The following KCNIP1 variants were observed in gnomAD, a reference collection of about 807,000 sequenced individuals.
KCNIP1 encodes A-type potassium channel modulatory protein KCNIP1.
Under a neutral mutation model 33.0 loss-of-function variants are expected in KCNIP1, and 18 were observed. The ratio of observed to expected loss-of-function variants is 0.55; its 90% CI spans 0.38 to 0.81. The LOEUF (loss-of-function observed/expected upper bound fraction) is 0.81. Among genes scored for constraint, KCNIP1 ranks in the 30% least tolerant of loss-of-function variants. The pLI is 0.00. For synonymous variants in KCNIP1, 93 were observed against 98.3 expected (o/e 0.95, Z 0.32); for missense variants, 238 against 271.6 (o/e 0.88, Z 0.87).
intron 1 of KCNIP1, among the ~76,000 whole-genome samples, chr5:170,591,694 C>G (rs987949851): frequency 3.9e-5 from 6 of 152,224 alleles, no homozygotes; most frequent in South Asian, 2.1e-4. Flanking sequence ...TAATTGGAAT[C>G]AACAGTATTT....
At chr5:170,721,522 G>A (rs193276673) in intron 3 of KCNIP1, among the ~76,000 whole-genome samples, 80 of 152,120 alleles carry the variant, frequency 5.3e-4, no homozygotes, top group African/African-American at 1.8e-3. Flanking sequence ...ATTCATGGCC[G>A]TTCAGAAGAA....
At chr5:170,387,935 G>A (rs1239514884) in intron 1 of KCNIP1, among the ~76,000 whole-genome samples, 1 of 152,202 alleles carries the variant, frequency 6.6e-6, no homozygotes, top group Non-Finnish European at 1.5e-5. Flanking sequence ...CTAGGGCTGA[G>A]TGCCCACAAC....
chr5:170,381,159 G>A (rs1764223368), intron 1 of KCNIP1, among the ~76,000 whole-genome samples: 1 of 152,070 alleles, frequency 6.6e-6, no homozygotes. Context: ...TTTATGCTGG[G>A]CCTGTTTGGC....
chr5:170,545,145 C>T (rs1436824898), intron 1 of KCNIP1, among the ~76,000 whole-genome samples: 1 of 152,144 alleles, frequency 6.6e-6, no homozygotes, highest in Non-Finnish European at 1.5e-5. Flanking sequence ...GGATTTTTTG[C>T]TGTGTATATA....
chr5:170,574,791 A>G (rs1470078417), intron 1 of KCNIP1, among the ~76,000 whole-genome samples: 1 of 152,134 alleles, frequency 6.6e-6, no homozygotes, highest in Admixed American at 6.5e-5. Flanking sequence ...ACATACTCAC[A>G]CTGGGACCAC....
intron 1 of KCNIP1, among the ~76,000 whole-genome samples, chr5:170,596,060 A>C (rs1214544078): frequency 6.6e-6 from 1 of 152,246 alleles, no homozygotes; most frequent in Non-Finnish European, 1.5e-5. Context: ...GCAGGGACTC[A>C]AAAAGTTGTT....
chr5:170,690,067 T>C (rs1373796669), intron 1 of KCNIP1, among the ~76,000 whole-genome samples: 1 of 152,222 alleles, frequency 6.6e-6, no homozygotes, highest in African/African-American at 2.4e-5. Context: ...ATGTCTGCTC[T>C]ACTCACACAC....
At chr5:170,727,430 A>C (rs1764048939) in intron 5 of KCNIP1, among the ~76,000 whole-genome samples, 1 of 152,210 alleles carries the variant, frequency 6.6e-6, no homozygotes, top group Non-Finnish European at 1.5e-5. Context: ...CAGTACACTT[A>C]AAATGGGTGA....
intron 2 of KCNIP1, among the ~76,000 whole-genome samples, chr5:170,719,971 C>A (rs1763762760): frequency 1.3e-5 from 2 of 152,142 alleles, no homozygotes; most frequent in Admixed American, 1.3e-4. Flanking sequence ...TCATAAGATA[C>A]CCTTGGGGAA....
intron 1 of KCNIP1, among the ~76,000 whole-genome samples, chr5:170,588,849 C>T (rs1238066163): frequency 6.6e-6 from 1 of 152,112 alleles, no homozygotes; most frequent in Non-Finnish European, 1.5e-5. Flanking sequence ...GACTGAGGCT[C>T]TTTACCCTCC....
chr5:170,488,553 C>T (rs1214105414), intron 1 of KCNIP1, among the ~76,000 whole-genome samples: 2 of 152,214 alleles, frequency 1.3e-5, no homozygotes, highest in Admixed American at 6.5e-5. Flanking sequence ...TTCATCTGCT[C>T]ATCCATTCAC....
At chr5:170,610,777 C>T (rs1012586611) in intron 1 of KCNIP1, among the ~76,000 whole-genome samples, 2 of 152,200 alleles carry the variant, frequency 1.3e-5, no homozygotes, top group African/African-American at 4.8e-5. Context: ...AATGTTCCCA[C>T]GATTATGAAC....
chr5:170,462,198 C>A (rs1283935751), intron 1 of KCNIP1, among the ~76,000 whole-genome samples: 2 of 141,108 alleles, frequency 1.4e-5, no homozygotes, highest in Non-Finnish European at 3.0e-5. Flanking sequence ...GGGAGAAAAT[C>A]TTCACAATCT....
intron 1 of KCNIP1, among the ~76,000 whole-genome samples, chr5:170,393,027 G>T (rs921365368): frequency 6.6e-6 from 1 of 152,052 alleles, no homozygotes; most frequent in African/African-American, 2.4e-5. Flanking sequence ...CCCACAAAAG[G>T]CCTTGTTCTT....
intron 1 of KCNIP1, among the ~76,000 whole-genome samples, chr5:170,634,780 A>T (rs1375288953): frequency 6.6e-6 from 1 of 152,258 alleles, no homozygotes; most frequent in Non-Finnish European, 1.5e-5. Flanking sequence ...GGTCATCATT[A>T]ATATGATACA....
chr5:170,723,766 A>G (rs1763912085), intron 5 of KCNIP1, among the ~76,000 whole-genome samples: 1 of 152,166 alleles, frequency 6.6e-6, no homozygotes, highest in Non-Finnish European at 1.5e-5. Context: ...CAGGTAGAAG[A>G]TATTTTGGCA....
chr5:170,372,883 T>C (rs766552526), intron 1 of KCNIP1, among the ~76,000 whole-genome samples: 1 of 152,110 alleles, frequency 6.6e-6, no homozygotes, highest in Non-Finnish European at 1.5e-5. Context: ...TGCTTTTGTT[T>C]TATGTGTACT....
intron 1 of KCNIP1, among the ~76,000 whole-genome samples, chr5:170,549,087 A>G (rs1288252253): frequency 2.0e-5 from 3 of 151,978 alleles, no homozygotes; most frequent in African/African-American, 7.3e-5. Context: ...CCTTCACTCC[A>G]TGTCCACTGG....
At chr5:170,682,394 A>G (rs1374113640) in intron 1 of KCNIP1, among the ~76,000 whole-genome samples, 1 of 152,200 alleles carries the variant, frequency 6.6e-6, no homozygotes, top group African/African-American at 2.4e-5. Flanking sequence ...CTCTGCTTCA[A>G]CCAGAACAGC....
Sources: gnomAD v4.1 joint callset for allele counts (sites outside exome capture counted in the v4.1 genomes callset) on GRCh38, gnomAD v4.1.1 for gene constraint, MANE v1.5 for transcripts, NCBI Gene and HGNC (gene_info 2026-07-23, HGNC 2026-07-21) for gene names.